The following ATXN7L2 variants were observed in gnomAD, a reference collection of about 807,000 sequenced individuals.
ATXN7L2 encodes the protein ataxin 7 like 2.
ATXN7L2 carries 17 observed loss-of-function variants against 59.6 expected under a neutral mutation model. The observed-to-expected ratio is 0.29, with a 90% CI of 0.20 to 0.43. The LOEUF (loss-of-function observed/expected upper bound fraction) is 0.43. ATXN7L2 is among the 20% of genes least tolerant of loss of function. The pLI is 1.00. For missense variants in ATXN7L2, 858 were observed against 1,008.9 expected (o/e 0.85, Z 2.03); for synonymous variants, 378 against 392.5 (o/e 0.96, Z 0.44).
At position 109,486,264 on chromosome 1, in the gene ATXN7L2, T is replaced by C; in HGVS notation, c.193+142T>C. 1 of 1,307,704 alleles carries C rather than the reference T, an allele frequency of 7.6e-7. No individual in the cohort carries two copies. Among genetic ancestry groups the C allele is most frequent in the South Asian group, 1.6e-5 (1 of 62,050 alleles). The allele number at this position is 1,307,704 out of a possible 1,614,324, so 81.0% of individuals were successfully genotyped here. A position where few individuals can be genotyped will look rare whatever the true frequency, so the allele number is the denominator to read the frequency against. On this transcript the variant is annotated intron_variant, in intron 2 of 10. Transcript: ENST00000683729. This position sits in a 1 kb window ranked among gnomAD's most constrained non-coding sequence, Gnocchi z 4.3. ...TTGATAGGTCCGAGTCGGCCGGTTGTTCTGGCTCCTGTGACCTGTCGTTGG... is the reference window on the plus strand; with the variant it reads ...TTGATAGGTCCGAGTCGGCCGGTTGCTCTGGCTCCTGTGACCTGTCGTTGG...
At chr1:109,485,498 G>A in intron 1 of ATXN7L2, 1 of 985,450 alleles carries the variant, frequency 1.0e-6, no homozygotes, top group Non-Finnish European at 1.2e-6. Context: ...GTGTAACTTT[G>A]ACAATGCTAT....
At position 109,484,008 on chromosome 1, in the gene ATXN7L2, C is replaced by T; in HGVS notation, c.55C>T (p.Pro19Ser). 4.3e-6 allele frequency: 6 copies of T among 1,388,842 alleles called. No homozygotes were observed. Among genetic ancestry groups the T allele is most frequent in the East Asian group, 3.0e-5 (1 of 33,542 alleles). 86.0% of individuals were successfully genotyped at this position (1,388,842 alleles called of 1,614,324 possible). ...AAMAALERRV[P>S]SLDDFAGQSW... ...AATGGCCGCTCTGGAGCGGCGGGTG[C>T]CGAGTCTCGATGACTTCGCGGGACA... Residue 19 changes from proline to serine, a missense_variant, in exon 1 of 11, where the codon CCG becomes TCG. By Grantham distance (74) the Pro-to-Ser change is moderately conservative. Coordinates refer to ENST00000683729, the MANE Select transcript of ATXN7L2 (RefSeq NM_001350175.2).
Position 109,489,002 on chromosome 1 carries a change from G to A in ATXN7L2, c.1035G>A (p.Glu345=). 1 of 1,614,156 alleles carries A rather than the reference G, an allele frequency of 6.2e-7. No individual in the cohort carries two copies. The highest frequency in any genetic ancestry group is 1.1e-5 in the South Asian group (1 of 91,086). ...AAGTTCTCGAGCGCCCCTCCCAGGA[G>A]CTCCCCTCCTCAGTCCAGGTTGTAG... ...KEQVLERPSQ[E]LPSSVQVVAA... is the part of the protein sequence containing the mutation. Residue 345 remains glutamate, a synonymous_variant, in exon 7 of 11, where the codon GAG becomes GAA. Transcript: ENST00000683729.
intron 5 of ATXN7L2, 147 bp downstream of exon 5, chr1:109,487,951 C>T: frequency 3.1e-6 from 3 of 971,694 alleles, no homozygotes; most frequent in Non-Finnish European, 4.4e-6. Flanking sequence ...ACCTCTTGAC[C>T]TGCTTGCTTC....
chr1:109,489,902 C>G lies in ATXN7L2; in HGVS notation c.1134-28C>G, dbSNP rs138073319. On this transcript the variant is annotated intron_variant, in intron 7 of 10. Transcript: ENST00000683729. ...ACTCTGACCCCACAACAGTCACATT[C>G]CCCTGGCATCCCTTTTGGCCCTTCC... 39 of 1,611,568 alleles carry G rather than the reference C, an allele frequency of 2.4e-5. No individual in the cohort carries two copies. In the African/African-American group the frequency reaches 3.6e-4, roughly 15 times the overall value.
rs771037274 is a variant in ATXN7L2, at chr1:109,492,615, C to T, written c.*15C>T. 4 of 1,613,404 alleles carry T rather than the reference C, an allele frequency of 2.5e-6. No homozygotes were observed. The highest frequency in any genetic ancestry group is 3.4e-6 in the Non-Finnish European group (4 of 1,179,874). ...AAGCCCATTAACGAGAAAGTGCCTG[C>T]CCACTGCAACGGAGCCGCCAGCACC... On this transcript the variant is annotated 3_prime_UTR_variant, in exon 11 of 11. Coordinates refer to ENST00000683729, the MANE Select transcript of ATXN7L2 (RefSeq NM_001350175.2).
At chr1:109,492,515 A>G (rs1218186106) in intron 10 of ATXN7L2, 71 bp from the exon 11 acceptor site, 4 of 1,590,692 alleles carry the variant, frequency 2.5e-6, no homozygotes, top group Admixed American at 3.4e-5. Context: ...TGTAGTGCAC[A>G]CAGTTCACTG....
At chr1:109,485,174 A>C in intron 1 of ATXN7L2, 54 of 662,610 alleles carry the variant, frequency 8.1e-5, no homozygotes, top group Non-Finnish European at 9.8e-5. Context: ...TGCATTGAGA[A>C]CCGGAAATGG....
At position 109,486,194 on chromosome 1, in the gene ATXN7L2, C is replaced by A; in HGVS notation, c.193+72C>A. 6.7e-7 allele frequency: 1 copy of A among 1,496,638 alleles called. No individual in the cohort carries two copies. The highest frequency in any genetic ancestry group is 8.9e-7 in the Non-Finnish European group (1 of 1,123,390). The allele number at this position is 1,496,638 out of a possible 1,614,324, so 92.7% of individuals were successfully genotyped here. A position where few individuals can be genotyped will look rare whatever the true frequency, so the allele number is the denominator to read the frequency against. On this transcript the variant is annotated intron_variant, in intron 2 of 10. Coordinates refer to ENST00000683729, the MANE Select transcript of ATXN7L2 (RefSeq NM_001350175.2). The surrounding 1 kb of genome is among the most constrained non-coding windows in gnomAD (Gnocchi z 4.3). ...CACGCTCCACTTTTCCACCACACTACAGAAGGAGGTGGCTGCTTGAAGCAG... is the reference window on the plus strand; with the variant it reads ...CACGCTCCACTTTTCCACCACACTAAAGAAGGAGGTGGCTGCTTGAAGCAG...
intron 5 of ATXN7L2, 25 bp downstream of exon 5, chr1:109,487,829 C>A: frequency 1.3e-6 from 2 of 1,567,472 alleles, no homozygotes; most frequent in African/African-American, 1.4e-5. Context: ...TCTTGGGGGT[C>A]CAGAATGTAG....
chr1:109,485,735 C>G (rs1656539837), intron 1 of ATXN7L2: 8 of 1,047,804 alleles, frequency 7.6e-6, no homozygotes, highest in Middle Eastern at 4.3e-4. Flanking sequence ...CAGTGGAACC[C>G]TAAACTGCAC....
chr1:109,490,005 C>A lies in ATXN7L2; in HGVS notation c.1209C>A (p.Pro403=), dbSNP rs769571017. 10 of 1,613,310 alleles carry A rather than the reference C, an allele frequency of 6.2e-6. No individual in the cohort carries two copies. The East Asian group carries it at 2.0e-4, about 32-fold the overall frequency. Residue 403 remains proline (P), a synonymous_variant, in exon 8 of 11, where the codon CCC becomes CCA. Transcript: ENST00000683729. ...GTGATGGGGACCCAGGCCTGTTCCCCTTCCCCATGCCCCGGGGTGGGACCC... is the reference window on the plus strand; with the variant it reads ...GTGATGGGGACCCAGGCCTGTTCCCATTCCCCATGCCCCGGGGTGGGACCC... ...CGGDGDPGLF[P]FPMPRGGTQA...
At position 109,491,365 on chromosome 1, in the gene ATXN7L2, T is replaced by C; in HGVS notation, c.1898T>C (p.Leu633Pro). ...GKGKPSGCRG[L>P]SAKTKTALSM... ...GGGAAACCCTCTGGCTGTAGGGGCC[T>C]CTCGGCCAAAACTAAAACAGCCCTG... The change falls in exon 10 of 11, where the codon CTC (leucine) becomes CCC (proline). Residue 633 changes from leucine (L) to proline (P), a missense_variant. By Grantham distance (98) the Leu-to-Pro change is moderately conservative (BLOSUM62 -3). Transcript: ENST00000683729. This position sits in a 1 kb window ranked among gnomAD's most constrained non-coding sequence, Gnocchi z 4.1. 6.2e-7 allele frequency: 1 copy of C among 1,614,228 alleles called. No homozygotes were observed.
At chr1:109,485,779 G>A (rs1656543598) in intron 1 of ATXN7L2, 9 of 1,124,460 alleles carry the variant, frequency 8.0e-6, no homozygotes, top group African/African-American at 1.6e-5. Flanking sequence ...AAAGGTGGAT[G>A]GATTCTTCTT....
rs745399084 is a variant in ATXN7L2, at chr1:109,487,760, C to G, written c.752C>G (p.Pro251Arg). Residue 251 changes from proline (P) to arginine (R), a missense_variant, in exon 5 of 11, where the codon CCC (proline) becomes CGC (arginine). Transcript: ENST00000683729. The stretch of plus-strand genomic sequence containing the variant: ...GAAGGCAGCCCTCCTGAAAAGGAGC[C>G]CAGTGGGACCAGGCTGCCCCCTAAA... Reference protein sequence around the residue: ...WAEGSPPEKEPSGTRLPPKTH... With the variant: ...WAEGSPPEKERSGTRLPPKTH... The G allele has an allele frequency of 6.2e-7, 1 of 1,611,300 alleles. No homozygotes were observed. Among genetic ancestry groups the G allele is most frequent in the South Asian group, 1.1e-5 (1 of 90,618 alleles).
intron 1 of ATXN7L2, chr1:109,485,545 T>C (rs1248670630): frequency 1.0e-6 from 1 of 985,096 alleles, no homozygotes; most frequent in Non-Finnish European, 1.2e-6. Flanking sequence ...TTCATGGGGG[T>C]GGGGACCTGG....
At chr1:109,485,297 T>G in intron 1 of ATXN7L2, 1 of 985,014 alleles carries the variant, frequency 1.0e-6, no homozygotes, top group Non-Finnish European at 1.2e-6. Flanking sequence ...AAAAAGCTGC[T>G]TTGCACAGCT....
chr1:109,490,088 CT>C lies in ATXN7L2; in HGVS notation c.1293del (p.Asp432ThrfsTer22). 1 of 1,594,252 alleles carries C rather than the reference CT, an allele frequency of 6.3e-7. No homozygotes were observed. ...ACATCTGACGACCTCCACCCACCCC[CT>C]GACTGCCATTATGCAACCCGGCCCC... ...EGTSDDLHPP[P>X]DCHYATRPPR... On this transcript the variant is annotated frameshift_variant, in exon 8 of 11. Transcript: ENST00000683729. LOFTEE classifies it high-confidence loss of function.
At chr1:109,485,083 C>T (rs1465524105) in intron 1 of ATXN7L2, among the ~76,000 whole-genome samples, 1 of 152,180 alleles carries the variant, frequency 6.6e-6, no homozygotes, top group African/African-American at 2.4e-5. Flanking sequence ...CATCAGAGAG[C>T]AGACCTAAGT....
Sources: allele counts gnomAD v4.1 joint callset (sites outside exome capture counted in the v4.1 genomes callset), GRCh38; gene constraint gnomAD v4.1.1; non-coding constraint Gnocchi (gnomAD v3.1); transcripts MANE v1.5; gene names NCBI Gene and HGNC (gene_info 2026-07-23, HGNC 2026-07-21).